CYRIB: variants seen among roughly 807,000 people sequenced by gnomAD.
The protein encoded by CYRIB is CYFIP related Rac1 interactor B, also known as CYFIP-related Rac1 interactor B.
In CYRIB, 8 loss-of-function variants were observed where a neutral mutation model predicts 44.2. The ratio of observed to expected loss-of-function variants is 0.18; its 90% CI spans 0.11 to 0.33. The LOEUF (loss-of-function observed/expected upper bound fraction) is 0.33, where lower values mean the gene tolerates loss of function less well. Among genes scored for constraint, CYRIB ranks in the 10% least tolerant of loss-of-function variants. The pLI is 1.00. For synonymous variants in CYRIB, 131 were observed against 127.2 expected (o/e 1.03, Z -0.20); for missense variants, 185 against 382.8 (o/e 0.48, Z 4.31).
chr8:129,977,624 C>T (rs895292000), intron 1 of CYRIB, among the ~76,000 whole-genome samples: 1 of 151,720 alleles, frequency 6.6e-6, no homozygotes, highest in Non-Finnish European at 1.5e-5. Flanking sequence ...CTCCACCTCC[C>T]AGGTTCACGC....
At position 129,871,499 on chromosome 8, in the gene CYRIB, A is replaced by G. The variant is rs554195280; in HGVS notation, c.74-3T>C. On this transcript the variant is annotated splice_polypyrimidine_tract_variant and splice_region_variant and intron_variant, in intron 3 of 11. Transcript: ENST00000519824. ...CTCAGACTCTGTAGGCTGGGCATCTAAACAGCAGGAAAGCACAAGAAAATT... is the reference window on the plus strand; with the variant it reads ...CTCAGACTCTGTAGGCTGGGCATCTGAACAGCAGGAAAGCACAAGAAAATT... 28 of 1,606,632 alleles carry G rather than the reference A, an allele frequency of 1.7e-5. No homozygotes were observed. Among genetic ancestry groups the G allele is most frequent in the Admixed American group, 6.8e-5 (4 of 58,708 alleles).
intron 4 of CYRIB, 46 bp downstream of exon 6, chr8:129,871,329 G>C: frequency 6.4e-7 from 1 of 1,573,622 alleles, no homozygotes; most frequent in Non-Finnish European, 8.6e-7. Context: ...CAAAGAGGTG[G>C]GACAGTAAGT....
At chr8:129,949,696 CCT>C (rs1186031101) in intron 2 of CYRIB, among the ~76,000 whole-genome samples, 1 of 151,454 alleles carries the variant, frequency 6.6e-6, no homozygotes, top group African/African-American at 2.4e-5. Flanking sequence ...ATAGAGAAAC[CCT>C]GTCTCTACTA....
chr8:129,900,576 T>C (rs1022727931), intron 2 of CYRIB, among the ~76,000 whole-genome samples: 9 of 152,218 alleles, frequency 5.9e-5, no homozygotes, highest in Admixed American at 5.2e-4. Flanking sequence ...TTTTTCTTGT[T>C]TTCAAAACAC....
intron 1 of CYRIB, among the ~76,000 whole-genome samples, chr8:129,924,725 G>A (rs916278792): frequency 6.6e-5 from 10 of 152,022 alleles, no homozygotes; most frequent in African/African-American, 2.4e-4. Context: ...CCAACAATCT[G>A]GGAGGCTGAG....
chr8:129,883,537 C>T (rs891310691), intron 2 of CYRIB, among the ~76,000 whole-genome samples: 2 of 152,084 alleles, frequency 1.3e-5, no homozygotes, highest in African/African-American at 2.4e-5. Flanking sequence ...TTCTCCTATC[C>T]TTTATAAGAA....
At chr8:129,940,102 G>C (rs2093562144), upstream of CYRIB, among the ~76,000 whole-genome samples, 1 of 152,206 alleles carries the variant, frequency 6.6e-6, no homozygotes, top group African/African-American at 2.4e-5. Flanking sequence ...TAGCTTCTGA[G>C]TGGGTTGGGG....
At chr8:129,899,239 C>T (rs184695082) in intron 2 of CYRIB, among the ~76,000 whole-genome samples, 2 of 152,008 alleles carry the variant, frequency 1.3e-5, no homozygotes, top group Non-Finnish European at 2.9e-5. Context: ...AAGAGATCCC[C>T]CTCAGTAAAT....
intron 2 of CYRIB, among the ~76,000 whole-genome samples, chr8:129,945,933 G>C (rs1197721829): frequency 1.3e-5 from 2 of 152,186 alleles, no homozygotes; most frequent in Non-Finnish European, 2.9e-5. Context: ...AAATCTGCCA[G>C]AGTGAACTAG....
intron 1 of CYRIB, among the ~76,000 whole-genome samples, chr8:129,939,456 G>T (rs1176359933): frequency 4.0e-5 from 6 of 151,712 alleles, no homozygotes; most frequent in African/African-American, 1.5e-4. Flanking sequence ...GGCGTCGCGG[G>T]GCCGGGGGCG....
intron 1 of CYRIB, among the ~76,000 whole-genome samples, chr8:129,933,303 T>C (rs1439117727): frequency 6.6e-6 from 1 of 152,182 alleles, no homozygotes; most frequent in East Asian, 1.9e-4. Context: ...TGGTTAGGAA[T>C]GGGGCTGAGG....
chr8:129,925,395 A>AAAT (rs561087742), intron 1 of CYRIB, among the ~76,000 whole-genome samples: 5 of 151,372 alleles, frequency 3.3e-5, no homozygotes, highest in Non-Finnish European at 5.9e-5. Flanking sequence ...CCGTCTTAAA[A>AAAT]AATAATAATA....
At chr8:129,998,147 A>G (rs559969369) in intron 1 of CYRIB, among the ~76,000 whole-genome samples, 2 of 151,042 alleles carry the variant, frequency 1.3e-5, no homozygotes, top group African/African-American at 4.9e-5. Flanking sequence ...AACAAAAAAA[A>G]CACCTCAGAA....
At chr8:129,884,120 C>T (rs542856933) in intron 2 of CYRIB, among the ~76,000 whole-genome samples, 109 of 152,218 alleles carry the variant, frequency 7.2e-4, no homozygotes, top group African/African-American at 2.4e-3. Context: ...TTCCAGCTGT[C>T]ACTTCTCTCA....
At chr8:129,991,022 C>T (rs1341395928) in intron 1 of CYRIB, among the ~76,000 whole-genome samples, 1 of 151,180 alleles carries the variant, frequency 6.6e-6, no homozygotes, top group Non-Finnish European at 1.5e-5. Context: ...ATCCCAGCTA[C>T]TCGGGAGGCT....
rs1201937612 is a variant in CYRIB, at chr8:129,849,513, C to G, written c.714-144G>C. ...AATGCAGTATGTTCACAAGTAGCCA[C>G]ACTGATACATTCAAATCTTATGTCT... On this transcript the variant is annotated intron_variant, in intron 9 of 11. Transcript: ENST00000519824. 5.9e-6 allele frequency: 4 copies of G among 678,106 alleles called. No homozygotes were observed. In the East Asian group the frequency reaches 1.2e-4, roughly 21 times the overall value. The allele number at this position is 678,106 out of a possible 1,614,324, so 42.0% of individuals were successfully genotyped here. A position where few individuals can be genotyped will look rare whatever the true frequency, so the allele number is the denominator to read the frequency against.
At position 129,843,150 on chromosome 8, in the gene CYRIB, CAG is replaced by C. The variant is rs1439903992; in HGVS notation, c.912-947_912-946del. On this transcript the variant is annotated intron_variant, in intron 11 of 11. Coordinates refer to ENST00000519824, the Ensembl canonical transcript of CYRIB. ...GATAATGATACACTAATATTAGTGA[CAG>C]GGTAAAGCCTAGCAGCAAAGGAGAG... is the stretch of plus-strand genomic sequence containing the variant. 2.6e-5 allele frequency among the ~76,000 whole-genome samples: 4 copies of C among 152,272 alleles called. No individual in the cohort carries two copies. In the South Asian group the frequency reaches 6.2e-4, roughly 24 times the overall value.
At chr8:129,972,871 C>A (rs924321181) in intron 1 of CYRIB, among the ~76,000 whole-genome samples, 1 of 152,154 alleles carries the variant, frequency 6.6e-6, no homozygotes, top group Non-Finnish European at 1.5e-5. Flanking sequence ...CTTTTCATTT[C>A]CAAGCTATAG....
At chr8:129,846,575 C>T (rs1359904571) in intron 11 of CYRIB, among the ~76,000 whole-genome samples, 1 of 152,190 alleles carries the variant, frequency 6.6e-6, no homozygotes, top group Non-Finnish European at 1.5e-5. Context: ...AAATCTTCAA[C>T]CAGAAAATGA....
Sources: allele counts gnomAD v4.1 joint callset (sites outside exome capture counted in the v4.1 genomes callset), GRCh38; gene constraint gnomAD v4.1.1; transcripts MANE v1.5; gene names NCBI Gene and HGNC (gene_info 2026-07-23, HGNC 2026-07-21).